MYO16: variants seen among roughly 807,000 people sequenced by gnomAD.
The protein encoded by MYO16 is unconventional myosin-XVI.
Under a neutral mutation model 205.3 loss-of-function variants are expected in MYO16, and 94 were observed. The ratio of observed to expected loss-of-function variants is 0.46; its 90% CI spans 0.39 to 0.54. The LOEUF is 0.54. MYO16 is among the 20% of genes least tolerant of loss of function. The probability of loss-of-function intolerance (pLI) is 0.00; values close to 1 mark genes in which losing one functional copy is unlikely to be tolerated. For synonymous variants in MYO16, 988 were observed against 954.0 expected (o/e 1.04, Z -0.66); for missense variants, 2,315 against 2,387.5 (o/e 0.97, Z 0.63).
At position 108,874,693 on chromosome 13, in the gene MYO16, C is replaced by CATT. The variant is rs5806762; in HGVS notation, c.1426-8364_1426-8363insTAT. 3.5e-4 allele frequency among the ~76,000 whole-genome samples: 45 copies of CATT among 128,790 alleles called. No individual in the cohort carries two copies. In the East Asian group the frequency reaches 3.7e-3, roughly 11 times the overall value. 84.5% of individuals were successfully genotyped at this position (128,790 alleles called of 152,430 possible). On this transcript the variant is annotated intron_variant, in intron 12 of 34. Coordinates refer to ENST00000457511, the MANE Select transcript of MYO16 (RefSeq NM_001198950.3). ...GCCCAGAGGCAGACAGTTTCATCAT[C>CATT]ATCATTATTATTATTATTATTATTA...
rs199781514 is a variant in MYO16, at chr13:109,051,586, C to CA, written c.2873-714_2873-713insA. On this transcript the variant is annotated intron_variant, in intron 24 of 34. Coordinates refer to ENST00000457511, the MANE Select transcript of MYO16 (RefSeq NM_001198950.3). ...CTTAACCGCCACATACATTGTTTTC[C>CA]CTGTGATTTTTAAATTTGTAATCCA... is the stretch of plus-strand genomic sequence containing the variant. 9.8e-3 allele frequency among the ~76,000 whole-genome samples: 1,489 copies of CA among 152,148 alleles called. 17 individuals are homozygous for CA. Among genetic ancestry groups the CA allele is most frequent in the South Asian group, 0.036 (175 of 4,816 alleles).
At chr13:108,503,219 C>G in the MYO16 span, among the ~76,000 whole-genome samples, 1 of 152,100 alleles carries the variant, frequency 6.6e-6, no homozygotes, top group East Asian at 1.9e-4. Context: ...GGAGAAGATT[C>G]CTGTTCTGCA....
chr13:108,706,877 C>T (rs1199595629), intron 2 of MYO16, among the ~76,000 whole-genome samples: 1 of 152,156 alleles, frequency 6.6e-6, no homozygotes, highest in African/African-American at 2.4e-5. Context: ...TGGTTGAAGA[C>T]TGTGAGGTCT....
At chr13:109,165,132 T>C (rs756324961) in intron 33 of MYO16, 73 bp downstream of exon 33, 74 of 1,185,518 alleles carry the variant, frequency 6.2e-5, no homozygotes, top group Non-Finnish European at 7.7e-5. Context: ...GAGGAATGGA[T>C]TTAAAATATG....
At chr13:108,925,363 G>A (rs115066273) in intron 16 of MYO16, among the ~76,000 whole-genome samples, 2,802 of 152,230 alleles carry the variant, frequency 0.018, 90 homozygotes, top group African/African-American at 0.064. Flanking sequence ...CACATTGCAG[G>A]CTCTCTCTGA....
chr13:108,584,871 T>C, the MYO16 span, among the ~76,000 whole-genome samples: 5 of 152,234 alleles, frequency 3.3e-5, no homozygotes, highest in Non-Finnish European at 2.9e-5. Context: ...TAATTATAAA[T>C]TGAAATCTGA....
chr13:108,847,194 C>G (rs1877568240), intron 10 of MYO16, among the ~76,000 whole-genome samples: 1 of 152,152 alleles, frequency 6.6e-6, no homozygotes, highest in South Asian at 2.1e-4. Flanking sequence ...ATAAAAATAT[C>G]AAGTGTAATC....
At chr13:108,806,640 C>G (rs1038594537) in intron 6 of MYO16, 39 bp from the exon 7 acceptor site, 1 of 1,597,028 alleles carries the variant, frequency 6.3e-7, no homozygotes, top group Non-Finnish European at 8.6e-7. Context: ...AATATCACTA[C>G]TTTAAAAAAA....
intron 9 of MYO16, among the ~76,000 whole-genome samples, chr13:108,831,657 C>T (rs600938): frequency 0.62 from 93,617 of 151,942 alleles, 29,725 homozygotes; most frequent in Middle Eastern, 0.73. Flanking sequence ...GGATTACAGG[C>T]ATCCACCACC....
intron 2 of MYO16, among the ~76,000 whole-genome samples, chr13:108,703,185 A>G (rs1343332226): frequency 6.6e-6 from 1 of 152,276 alleles, no homozygotes; most frequent in East Asian, 1.9e-4. Flanking sequence ...AGAGACATCT[A>G]TTGGATTCAA....
intron 20 of MYO16, among the ~76,000 whole-genome samples, chr13:108,986,724 C>G (rs146917676): frequency 6.7e-6 from 1 of 150,360 alleles, no homozygotes; most frequent in Non-Finnish European, 1.5e-5. Flanking sequence ...ATTATGTATA[C>G]TCTTCTCACT....
Position 108,851,639 on chromosome 13 carries a change from T to C in MYO16, c.1249-3804T>C, listed in dbSNP as rs550025366. 4.6e-5 allele frequency among the ~76,000 whole-genome samples: 7 copies of C among 152,328 alleles called. No individual in the cohort carries two copies. The South Asian group carries it at 1.5e-3, about 32-fold the overall frequency. The stretch of plus-strand genomic sequence containing the variant: ...AGTTAGGAAATCAAGTGCAACTTAG[T>C]TGCATACAGTTGCATATGGCAGCTC... On this transcript the variant is annotated intron_variant, in intron 10 of 34. Coordinates refer to ENST00000457511, the MANE Select transcript of MYO16 (RefSeq NM_001198950.3).
chr13:108,700,541 G>A (rs2139517942), intron 2 of MYO16, among the ~76,000 whole-genome samples: 1 of 152,200 alleles, frequency 6.6e-6, no homozygotes, highest in African/African-American at 2.4e-5. Context: ...ACTGGTGGCT[G>A]CAGACTGGGT....
the MYO16 span, among the ~76,000 whole-genome samples, chr13:108,523,502 T>C: frequency 6.6e-6 from 1 of 152,182 alleles, no homozygotes; most frequent in East Asian, 1.9e-4. Flanking sequence ...CACCAGTTTG[T>C]TCATTATTCT....
At chr13:108,566,408 T>C in the MYO16 span, among the ~76,000 whole-genome samples, 1 of 152,150 alleles carries the variant, frequency 6.6e-6, no homozygotes, top group East Asian at 1.9e-4. Context: ...TATTTGAGTT[T>C]TTTCTCTTTT....
chr13:108,787,435 A>C (rs992859863), intron 5 of MYO16, among the ~76,000 whole-genome samples: 24 of 152,212 alleles, frequency 1.6e-4, no homozygotes, highest in African/African-American at 5.5e-4. Context: ...TGAATTTTTA[A>C]AAGCTACAGT....
intron 1 of MYO16, among the ~76,000 whole-genome samples, chr13:108,642,503 C>T (rs1186732006): frequency 2.0e-5 from 3 of 152,062 alleles, no homozygotes; most frequent in Admixed American, 1.3e-4. Flanking sequence ...AGTGGAGTGG[C>T]GTGACCTTGG....
intron 28 of MYO16, among the ~76,000 whole-genome samples, chr13:109,107,903 A>G (rs1249247279): frequency 6.6e-6 from 1 of 150,630 alleles, no homozygotes; most frequent in Non-Finnish European, 1.5e-5. Flanking sequence ...ACATGCATAC[A>G]CACACGCCAT....
intron 2 of MYO16, among the ~76,000 whole-genome samples, chr13:108,697,923 A>G (rs1883151355): frequency 6.6e-6 from 1 of 152,024 alleles, no homozygotes. Flanking sequence ...GGGTTTTGCT[A>G]TGTTGCCAAG....
Sources: allele counts gnomAD v4.1 joint callset (sites outside exome capture counted in the v4.1 genomes callset), GRCh38; gene constraint gnomAD v4.1.1; transcripts MANE v1.5; gene names NCBI Gene and HGNC (gene_info 2026-07-23, HGNC 2026-07-21).